Variants in SLC25A21 observed in about 807,000 individuals in gnomAD.
SLC25A21 encodes solute carrier family 25 member 21.
SLC25A21 carries 47 observed loss-of-function variants against 43.8 expected under a neutral mutation model. The ratio of observed to expected loss-of-function variants is 1.07; its 90% CI spans 0.85 to 1.37. SLC25A21 has a LOEUF of 1.37. Ranked by LOEUF, SLC25A21 falls within the 40% of genes most tolerant of loss-of-function variation. The pLI is 0.00. For missense variants in SLC25A21, 352 were observed against 350.2 expected (o/e 1.00, Z -0.04); for synonymous variants, 131 against 121.3 (o/e 1.08, Z -0.52).
At chr14:36,806,179 C>T (rs1888035306) in intron 3 of SLC25A21, among the ~76,000 whole-genome samples, 1 of 151,846 alleles carries the variant, frequency 6.6e-6, no homozygotes. Flanking sequence ...GATTGTGCCA[C>T]TGCACTCCAG....
chr14:36,682,701 G>A (rs1306661280), intron 9 of SLC25A21, among the ~76,000 whole-genome samples: 2 of 151,752 alleles, frequency 1.3e-5, no homozygotes, highest in Non-Finnish European at 2.9e-5. Context: ...AATTCCCCAC[G>A]TTCTATTACT....
intron 1 of SLC25A21, among the ~76,000 whole-genome samples, chr14:37,114,501 A>C (rs1167443551): frequency 6.6e-6 from 1 of 152,204 alleles, no homozygotes; most frequent in African/African-American, 2.4e-5. Context: ...GTTGCTGCGC[A>C]ATACTTAAAT....
intron 7 of SLC25A21, among the ~76,000 whole-genome samples, chr14:36,705,759 C>T (rs1333669128): frequency 1.3e-5 from 2 of 152,096 alleles, no homozygotes; most frequent in African/African-American, 2.4e-5. Flanking sequence ...AGAATTATCC[C>T]ATGCCAGTCA....
chr14:36,909,686 C>T (rs1039966895), intron 1 of SLC25A21, among the ~76,000 whole-genome samples: 1 of 152,152 alleles, frequency 6.6e-6, no homozygotes, highest in African/African-American at 2.4e-5. Context: ...TTACTGGTAA[C>T]ATAACCTATA....
intron 1 of SLC25A21, among the ~76,000 whole-genome samples, chr14:36,949,060 G>T (rs902859787): frequency 5.3e-5 from 8 of 152,214 alleles, no homozygotes; most frequent in Admixed American, 2.0e-4. Context: ...GGCTTACAGA[G>T]ATCGAGTGAT....
At chr14:36,940,982 T>C (rs1018989446) in intron 1 of SLC25A21, among the ~76,000 whole-genome samples, 1 of 152,088 alleles carries the variant, frequency 6.6e-6, no homozygotes, top group African/African-American at 2.4e-5. Flanking sequence ...CTTTCTTTTT[T>C]CTTTTTTTCA....
At chr14:37,109,209 T>C (rs1962974149) in intron 1 of SLC25A21, among the ~76,000 whole-genome samples, 1 of 152,096 alleles carries the variant, frequency 6.6e-6, no homozygotes, top group Admixed American at 6.6e-5. Flanking sequence ...AAGAGCTTAA[T>C]AAATGCATCA....
chr14:36,692,356 A>G (rs967829353), intron 7 of SLC25A21, among the ~76,000 whole-genome samples: 4 of 152,224 alleles, frequency 2.6e-5, no homozygotes, highest in African/African-American at 9.7e-5. Context: ...ATATGACTCA[A>G]AACAGTTAAC....
intron 1 of SLC25A21, among the ~76,000 whole-genome samples, chr14:36,950,473 T>C (rs938426798): frequency 1.3e-5 from 2 of 152,140 alleles, no homozygotes; most frequent in Admixed American, 6.6e-5. Context: ...AAAGTTGCCA[T>C]CTGCAAGCCA....
intron 1 of SLC25A21, among the ~76,000 whole-genome samples, chr14:36,982,816 C>CA (rs1960059417): frequency 1.5e-5 from 2 of 134,818 alleles, no homozygotes; most frequent in Non-Finnish European, 3.1e-5. Flanking sequence ...TCCATCTCAA[C>CA]AAAAAACAAC....
chr14:36,998,105 GCA>G (rs1291254939), intron 1 of SLC25A21, among the ~76,000 whole-genome samples: 1 of 152,110 alleles, frequency 6.6e-6, no homozygotes, highest in Non-Finnish European at 1.5e-5. Context: ...CACTAGTTCT[GCA>G]CAGTGTTATT....
rs201238511 is a variant in SLC25A21 at position 36,993,539 on chromosome 14, A to G, written c.71-118535T>C. ...CTTTTTAGGTATAAATTGGAGACATATATCATTAAAACTAGAATTAATTTT... is the reference window on the plus strand; with the variant it reads ...CTTTTTAGGTATAAATTGGAGACATGTATCATTAAAACTAGAATTAATTTT... On this transcript the variant is annotated intron_variant, in intron 1 of 9. Coordinates refer to ENST00000331299, the MANE Select transcript of SLC25A21 (RefSeq NM_030631.4). Among the ~76,000 whole-genome samples the G allele has an allele frequency of 1.8e-4, 27 of 152,284 alleles. No homozygotes were observed. The East Asian group carries it at 3.1e-3, about 17-fold the overall frequency.
intron 1 of SLC25A21, among the ~76,000 whole-genome samples, chr14:37,139,159 T>C (rs950925220): frequency 1.3e-5 from 2 of 152,122 alleles, no homozygotes; most frequent in Admixed American, 1.3e-4. Context: ...AAATTTAATC[T>C]TGTGTCCAAA....
intron 1 of SLC25A21, among the ~76,000 whole-genome samples, chr14:37,030,371 A>C (rs1370371453): frequency 6.6e-6 from 1 of 152,126 alleles, no homozygotes; most frequent in Non-Finnish European, 1.5e-5. Flanking sequence ...TTTGAGGGTC[A>C]ACTGTACTTC....
chr14:36,782,429 G>A (rs1887098362), intron 3 of SLC25A21, among the ~76,000 whole-genome samples: 1 of 151,954 alleles, frequency 6.6e-6, no homozygotes, highest in African/African-American at 2.4e-5. Context: ...TTTCTTTGGG[G>A]TCAGTGACTG....
chr14:36,698,871 A>G (rs1350992242), intron 7 of SLC25A21, among the ~76,000 whole-genome samples: 1 of 152,146 alleles, frequency 6.6e-6, no homozygotes, highest in Non-Finnish European at 1.5e-5. Flanking sequence ...ATCCTCGTTT[A>G]GCTCAGAGAA....
At chr14:36,753,698 A>G (rs1464667721) in intron 3 of SLC25A21, among the ~76,000 whole-genome samples, 1 of 152,202 alleles carries the variant, frequency 6.6e-6, no homozygotes, top group African/African-American at 2.4e-5. Context: ...GACAAAATCC[A>G]CCAGAAGCAA....
chr14:37,028,928 T>C (rs757948300), intron 1 of SLC25A21, among the ~76,000 whole-genome samples: 5 of 152,202 alleles, frequency 3.3e-5, no homozygotes, highest in Non-Finnish European at 7.3e-5. Context: ...CAGTGGGATA[T>C]AGTTTTGTAG....
chr14:36,736,497 G>T (rs1885044945), intron 3 of SLC25A21, among the ~76,000 whole-genome samples: 1 of 152,060 alleles, frequency 6.6e-6, no homozygotes, highest in Non-Finnish European at 1.5e-5. Flanking sequence ...AGCATAGGTT[G>T]GTCTTCCCAA....
Sources: gnomAD v4.1 joint callset for allele counts (sites outside exome capture counted in the v4.1 genomes callset) on GRCh38, gnomAD v4.1.1 for gene constraint, MANE v1.5 for transcripts, NCBI Gene and HGNC (gene_info 2026-07-23, HGNC 2026-07-21) for gene names.